Variants in LINGO2 observed in about 807,000 individuals in gnomAD.
LINGO2 encodes leucine rich repeat and Ig domain containing 2, also known as leucine-rich repeat and immunoglobulin-like domain-containing nogo receptor-interacting protein 2.
In LINGO2, 14 loss-of-function variants were observed where a neutral mutation model predicts 30.6. The observed-to-expected ratio is 0.46, with a 90% CI of 0.30 to 0.72. The LOEUF (loss-of-function observed/expected upper bound fraction) is 0.72, where lower values mean the gene tolerates loss of function less well. LINGO2 is among the 30% of genes least tolerant of loss of function. LINGO2 has a pLI of 0.07. For missense variants in LINGO2, 729 were observed against 751.7 expected, an observed-to-expected ratio of 0.97 and a Z score of 0.35; for synonymous variants, 317 against 288.5, an observed-to-expected ratio of 1.10 and a Z score of -1.00.
chr9:28,279,704 G>T (rs939453707), intron 4 of LINGO2, among the ~76,000 whole-genome samples: 1 of 152,014 alleles, frequency 6.6e-6, no homozygotes, highest in Non-Finnish European at 1.5e-5. Context: ...TACTGGGGTG[G>T]TCTGGAACCA....
chr9:29,115,264 G>A, the LINGO2 span, among the ~76,000 whole-genome samples: 120 of 152,042 alleles, frequency 7.9e-4, 1 homozygote, highest in South Asian at 0.025. Flanking sequence ...TTCAGAGCAA[G>A]TTAGATATTT....
chr9:28,402,799 T>C (rs1361965057), intron 2 of LINGO2, among the ~76,000 whole-genome samples: 1 of 152,112 alleles, frequency 6.6e-6, no homozygotes, highest in Non-Finnish European at 1.5e-5. Flanking sequence ...TCTGTCTTCT[T>C]TCTCAGTGGA....
chr9:28,035,083 T>C (rs750291820), intron 4 of LINGO2, among the ~76,000 whole-genome samples: 2 of 152,192 alleles, frequency 1.3e-5, no homozygotes, highest in Non-Finnish European at 2.9e-5. Flanking sequence ...AAATACTTTC[T>C]AAAAAACCAA....
chr9:28,628,389 C>A (rs114848320), intron 1 of LINGO2, among the ~76,000 whole-genome samples: 1 of 152,054 alleles, frequency 6.6e-6, no homozygotes, highest in African/African-American at 2.4e-5. Context: ...ATTCACATAA[C>A]AGTAAAACAA....
chr9:28,729,680 A>G, the LINGO2 span, among the ~76,000 whole-genome samples: 2 of 152,054 alleles, frequency 1.3e-5, no homozygotes, highest in Non-Finnish European at 2.9e-5. Context: ...AGGAGAAAAG[A>G]AGATAAACAG....
chr9:28,004,595 C>T (rs1463310021), intron 5 of LINGO2, among the ~76,000 whole-genome samples: 1 of 151,892 alleles, frequency 6.6e-6, no homozygotes, highest in Non-Finnish European at 1.5e-5. Flanking sequence ...GATGACATAT[C>T]AACTAATAGT....
At chr9:28,630,892 A>T (rs1478928858) in intron 1 of LINGO2, among the ~76,000 whole-genome samples, 5 of 80,520 alleles carry the variant, frequency 6.2e-5, no homozygotes, top group Non-Finnish European at 1.5e-4. Context: ...GCACATAAAG[A>T]AAAAAAAAAA....
At chr9:29,076,995 T>A in the LINGO2 span, among the ~76,000 whole-genome samples, 1 of 152,258 alleles carries the variant, frequency 6.6e-6, no homozygotes, top group East Asian at 1.9e-4. Flanking sequence ...CTCCTCCTAC[T>A]ATGGTTACTG....
the LINGO2 span, among the ~76,000 whole-genome samples, chr9:28,931,278 T>G: frequency 6.6e-6 from 1 of 152,298 alleles, no homozygotes; most frequent in Non-Finnish European, 1.5e-5. Context: ...TTGGAGACAC[T>G]AATATAAAAG....
intron 1 of LINGO2, among the ~76,000 whole-genome samples, chr9:28,485,793 TGG>T (rs35361170): frequency 1.3e-5 from 2 of 152,054 alleles, no homozygotes; most frequent in African/African-American, 2.4e-5. Context: ...GACACTCCCA[TGG>T]GGCCTGTGCA....
At chr9:28,464,065 G>T (rs1825195478) in intron 2 of LINGO2, among the ~76,000 whole-genome samples, 1 of 152,146 alleles carries the variant, frequency 6.6e-6, no homozygotes, top group African/African-American at 2.4e-5. Flanking sequence ...AACACTTAAG[G>T]TTGGGAAGAC....
At chr9:28,908,479 C>T in the LINGO2 span, among the ~76,000 whole-genome samples, 1 of 151,846 alleles carries the variant, frequency 6.6e-6, no homozygotes, top group South Asian at 2.1e-4. Context: ...GGCTGACTAT[C>T]CTCTCTCACT....
the LINGO2 span, among the ~76,000 whole-genome samples, chr9:28,751,965 G>C: frequency 4.1e-4 from 62 of 151,896 alleles, no homozygotes; most frequent in African/African-American, 1.4e-3. Context: ...GAATGTAATA[G>C]CTCTCGTCCA....
the LINGO2 span, among the ~76,000 whole-genome samples, chr9:28,940,846 T>A: frequency 6.6e-6 from 1 of 152,094 alleles, no homozygotes; most frequent in South Asian, 2.1e-4. Flanking sequence ...ACAACACCAA[T>A]TACAGAGACT....
At chr9:28,985,247 C>G in the LINGO2 span, among the ~76,000 whole-genome samples, 1 of 152,092 alleles carries the variant, frequency 6.6e-6, no homozygotes, top group Non-Finnish European at 1.5e-5. Context: ...ATATGTACCA[C>G]AGATTCTTTA....
the LINGO2 span, among the ~76,000 whole-genome samples, chr9:28,828,707 G>T: frequency 6.6e-6 from 1 of 152,064 alleles, no homozygotes; most frequent in African/African-American, 2.4e-5. Flanking sequence ...ATTAGTGAAT[G>T]AGAGGTAATC....
At chr9:28,378,821 C>T (rs563688490) in intron 2 of LINGO2, among the ~76,000 whole-genome samples, 1 of 152,200 alleles carries the variant, frequency 6.6e-6, no homozygotes, top group South Asian at 2.1e-4. Flanking sequence ...GCAAGTACAC[C>T]TGACACTGGC....
chr9:28,393,334 A>C (rs1297754555), intron 2 of LINGO2, among the ~76,000 whole-genome samples: 1 of 152,238 alleles, frequency 6.6e-6, no homozygotes, highest in Non-Finnish European at 1.5e-5. Context: ...AAGTCCTTAC[A>C]GTACTCTCAG....
chr9:29,184,712 C>T, the LINGO2 span, among the ~76,000 whole-genome samples: 1 of 151,112 alleles, frequency 6.6e-6, no homozygotes, highest in Non-Finnish European at 1.5e-5. Flanking sequence ...TCTCTCCTCC[C>T]TCCCTCCTCC....
Sources: allele counts gnomAD v4.1 joint callset (sites outside exome capture counted in the v4.1 genomes callset), GRCh38; gene constraint gnomAD v4.1.1; transcripts MANE v1.5; gene names NCBI Gene and HGNC (gene_info 2026-07-23, HGNC 2026-07-21).